The following MCTP2 variants were observed in gnomAD, a reference collection of about 807,000 sequenced individuals.
MCTP2 encodes the protein multiple C2 and transmembrane domain containing 2.
A neutral mutation model predicts 111.6 loss-of-function variants in MCTP2; 132 were observed. That is an observed-to-expected ratio of 1.18 (90% CI 1.03 to 1.37). MCTP2 has a LOEUF of 1.37. Among genes scored for constraint, MCTP2 ranks in the 40% most tolerant of loss-of-function variants. The pLI is 0.00. For missense variants in MCTP2, 1,183 were observed against 1,067.9 expected (o/e 1.11, Z -1.50); for synonymous variants, 395 against 387.7 (o/e 1.02, Z -0.22).
At chr15:94,386,333 C>T (rs544211373) in intron 14 of MCTP2, among the ~76,000 whole-genome samples, 61 of 152,292 alleles carry the variant, frequency 4.0e-4, no homozygotes, top group Non-Finnish European at 7.9e-4. Context: ...CTTTATTCTT[C>T]CCAAAGACTT....
At chr15:94,355,899 C>T in intron 8 of MCTP2, 2 of 1,068,162 alleles carry the variant, frequency 1.9e-6, no homozygotes, top group Non-Finnish European at 2.3e-6. Flanking sequence ...CGGCCAGTGC[C>T]AAGTCAAAGT....
chr15:94,333,103 C>T (rs188547296), intron 4 of MCTP2, among the ~76,000 whole-genome samples: 233 of 152,186 alleles, frequency 1.5e-3, no homozygotes, highest in African/African-American at 5.2e-3. Flanking sequence ...GGCCTGGTGG[C>T]GGGCATCTGT....
In MCTP2 at chr15:94,370,098, C is replaced by T; in HGVS notation, c.1500C>T (p.Asn500=). 1 of 1,611,092 alleles carries T rather than the reference C, an allele frequency of 6.2e-7. No homozygotes were observed. The highest frequency in any genetic ancestry group is 8.5e-7 in the Non-Finnish European group (1 of 1,178,702). Residue 500 remains asparagine (N), a synonymous_variant, in exon 12 of 23, where the codon AAC becomes AAT. Coordinates refer to ENST00000357742, the MANE Select transcript of MCTP2 (RefSeq NM_001385001.1). ...KQITQRYCLQ[N]SLKDVKDVGI... ...TTTTCAACCCTCAGTGCTTACAGAA[C>T]TCCCTGAAAGATGTGAAAGACGTCG...
chr15:94,290,361 T>A (rs933104522), intron 1 of MCTP2, among the ~76,000 whole-genome samples: 39 of 152,184 alleles, frequency 2.6e-4, no homozygotes, highest in African/African-American at 9.4e-4. Context: ...AAATAAAATG[T>A]GGAAAGTTAA....
chr15:94,314,749 C>G (rs1306178120), intron 3 of MCTP2: 1 of 460,792 alleles, frequency 2.2e-6, no homozygotes, highest in Non-Finnish European at 4.3e-6. Context: ...TTTGAAATGA[C>G]TCAAAAATTT....
At chr15:94,296,675 C>A (rs576409188) in intron 1 of MCTP2, among the ~76,000 whole-genome samples, 2 of 152,182 alleles carry the variant, frequency 1.3e-5, no homozygotes, top group Non-Finnish European at 2.9e-5. Context: ...TTTGTGTCAT[C>A]GTATCTGTAA....
chr15:94,385,566 A>G (rs750313572), intron 14 of MCTP2, 41 bp downstream of exon 14: 1 of 1,362,788 alleles, frequency 7.3e-7, no homozygotes, highest in Non-Finnish European at 1.0e-6. Context: ...GAGTCATTTT[A>G]TAGTTGATGA....
chr15:94,322,560 G>A (rs540539312), intron 4 of MCTP2, among the ~76,000 whole-genome samples: 3 of 152,278 alleles, frequency 2.0e-5, no homozygotes, highest in African/African-American at 7.2e-5. Context: ...ACAGGCAGTG[G>A]TCTGGATTTA....
intron 1 of MCTP2, among the ~76,000 whole-genome samples, chr15:94,263,188 G>T (rs947353784): frequency 6.6e-6 from 1 of 152,186 alleles, no homozygotes; most frequent in African/African-American, 2.4e-5. Context: ...AACCTGTTTA[G>T]TAAGCAGAGA....
At chr15:94,318,651 A>AT (rs891404730) in intron 4 of MCTP2, among the ~76,000 whole-genome samples, 8 of 151,880 alleles carry the variant, frequency 5.3e-5, no homozygotes, top group Admixed American at 3.9e-4. Context: ...AGCTTTCTCC[A>AT]TTTTTTTCTA....
intron 19 of MCTP2, among the ~76,000 whole-genome samples, chr15:94,450,318 C>T (rs1174891922): frequency 1.3e-5 from 2 of 152,236 alleles, no homozygotes; most frequent in African/African-American, 4.8e-5. Context: ...ATAGCACGAG[C>T]TGTGGCGTTG....
intron 14 of MCTP2, among the ~76,000 whole-genome samples, chr15:94,393,759 G>A (rs1177176678): frequency 6.6e-6 from 1 of 151,994 alleles, no homozygotes; most frequent in Non-Finnish European, 1.5e-5. Flanking sequence ...ACTTAAAGAA[G>A]TCAAAATCAG....
chr15:94,414,352 C>T (rs972742088), intron 17 of MCTP2, among the ~76,000 whole-genome samples: 3 of 152,092 alleles, frequency 2.0e-5, no homozygotes, highest in Non-Finnish European at 4.4e-5. Flanking sequence ...TCCAATTACT[C>T]ATGAGGGAGA....
At chr15:94,356,925 A>G (rs958955774) in intron 9 of MCTP2, among the ~76,000 whole-genome samples, 10 of 152,178 alleles carry the variant, frequency 6.6e-5, no homozygotes, top group South Asian at 4.1e-4. Context: ...TTCAAAAACT[A>G]TAGTCCCTAA....
At chr15:94,403,135 T>C in intron 17 of MCTP2, 3 of 986,532 alleles carry the variant, frequency 3.0e-6, no homozygotes, top group Non-Finnish European at 3.6e-6. Context: ...TTATTTTAGT[T>C]CTCCACTGCT....
At chr15:94,314,434 G>C in intron 3 of MCTP2, 90 bp downstream of exon 3, 1 of 823,462 alleles carries the variant, frequency 1.2e-6, no homozygotes. Context: ...CTCTTTTATT[G>C]CTAAAAAAAA....
chr15:94,336,188 C>G (rs1476537633), intron 4 of MCTP2, among the ~76,000 whole-genome samples: 1 of 152,142 alleles, frequency 6.6e-6, no homozygotes, highest in Non-Finnish European at 1.5e-5. Context: ...CATTTTGAGT[C>G]TCCTTCCCTC....
intron 2 of MCTP2, among the ~76,000 whole-genome samples, chr15:94,313,595 G>A (rs902523775): frequency 6.6e-6 from 1 of 152,068 alleles, no homozygotes; most frequent in Non-Finnish European, 1.5e-5. Flanking sequence ...CAGCTACTCG[G>A]GAGGCTGAGG....
rs369880234 is a variant in MCTP2, at chr15:94,399,077, G to A, written c.1890+15G>A. 2.4e-4 allele frequency: 313 copies of A among 1,323,090 alleles called. 3 individuals are homozygous for A. In the South Asian group the frequency reaches 2.5e-3, roughly 11 times the overall value. The allele number at this position is 1,323,090 out of a possible 1,614,324, so 82.0% of individuals were successfully genotyped here. A position where few individuals can be genotyped will look rare whatever the true frequency, so the allele number is the denominator to read the frequency against. ...TATATAATCCGGTAAGTCTAGCTGG[G>A]TCATACTTCCCGGCTTTCCCGTACC... On this transcript the variant is annotated intron_variant, in intron 15 of 22. Coordinates refer to ENST00000357742, the MANE Select transcript of MCTP2 (RefSeq NM_001385001.1).
Sources: gnomAD v4.1 joint callset for allele counts (sites outside exome capture counted in the v4.1 genomes callset) on GRCh38, gnomAD v4.1.1 for gene constraint, MANE v1.5 for transcripts, NCBI Gene and HGNC (gene_info 2026-07-23, HGNC 2026-07-21) for gene names.